AUTS2: variants seen among roughly 807,000 people sequenced by gnomAD.
AUTS2 encodes activator of transcription and developmental regulator AUTS2.
In AUTS2, 17 loss-of-function variants were observed where a neutral mutation model predicts 112.4. The observed-to-expected ratio is 0.15, with a 90% CI of 0.10 to 0.23. The LOEUF (loss-of-function observed/expected upper bound fraction) is 0.23. AUTS2 is among the 10% of genes least tolerant of loss of function. The pLI, the probability that AUTS2 is intolerant of heterozygous loss-of-function variation, is 1.00. For synonymous variants in AUTS2, 751 were observed against 702.7 expected (o/e 1.07, Z -1.09); for missense variants, 1,510 against 1,701.6 (o/e 0.89, Z 1.98).
chr7:70,675,755 A>T (rs1201880632), intron 5 of AUTS2, among the ~76,000 whole-genome samples: 2 of 152,206 alleles, frequency 1.3e-5, no homozygotes, highest in Admixed American at 6.5e-5. Context: ...TCCATGTAGC[A>T]TGGGCTTCTC....
intron 6 of AUTS2, among the ~76,000 whole-genome samples, chr7:70,725,640 G>T (rs1462814819): frequency 6.6e-6 from 1 of 152,196 alleles, no homozygotes; most frequent in Non-Finnish European, 1.5e-5. Flanking sequence ...TGCCTGCAGG[G>T]ATTGATGTAT....
chr7:69,697,389 G>C (rs756627188), intron 1 of AUTS2, among the ~76,000 whole-genome samples: 3 of 152,138 alleles, frequency 2.0e-5, no homozygotes, highest in Non-Finnish European at 4.4e-5. Context: ...AGGTGCACTG[G>C]GGATAAATAA....
At chr7:69,847,118 A>G (rs34221396) in intron 1 of AUTS2, among the ~76,000 whole-genome samples, 53,759 of 151,948 alleles carry the variant, frequency 0.35, 9,982 homozygotes, top group African/African-American at 0.46. Flanking sequence ...TACATGCATA[A>G]TTGCTTTAAA....
At chr7:70,037,078 C>G (rs1801038522) in intron 2 of AUTS2, among the ~76,000 whole-genome samples, 1 of 152,014 alleles carries the variant, frequency 6.6e-6, no homozygotes, top group Admixed American at 6.6e-5. Context: ...AGGAGGAACT[C>G]CTGCCATCTG....
chr7:70,490,569 C>T (rs956208507), intron 5 of AUTS2, among the ~76,000 whole-genome samples: 12 of 152,058 alleles, frequency 7.9e-5, no homozygotes, highest in African/African-American at 2.4e-4. Flanking sequence ...GAGTTCCCAC[C>T]GTTGAGTGGT....
chr7:70,485,051 A>G (rs1797931692), intron 5 of AUTS2, among the ~76,000 whole-genome samples: 1 of 152,238 alleles, frequency 6.6e-6, no homozygotes, highest in Non-Finnish European at 1.5e-5. Flanking sequence ...AAACTGGTAC[A>G]ACCACTATGG....
chr7:70,656,992 G>A (rs900783340), intron 5 of AUTS2, among the ~76,000 whole-genome samples: 71 of 152,186 alleles, frequency 4.7e-4, no homozygotes, highest in African/African-American at 1.7e-3. Context: ...GAGGAAGAGA[G>A]GAGACAGAAC....
At chr7:70,649,195 TTTAGATTAGAAGTTTGAGACC>T (rs1193240564) in intron 5 of AUTS2, among the ~76,000 whole-genome samples, 1 of 148,442 alleles carries the variant, frequency 6.7e-6, no homozygotes, top group African/African-American at 2.5e-5. Context: ...GTTTGAGACC[TTTAGATTAGAAGTTTGAGACC>T]TTTAGATTAG....
At chr7:69,729,211 A>G (rs1786664702) in intron 1 of AUTS2, among the ~76,000 whole-genome samples, 1 of 150,848 alleles carries the variant, frequency 6.6e-6, no homozygotes, top group Non-Finnish European at 1.5e-5. Context: ...ATACATACAT[A>G]TGTATGCTCT....
intron 10 of AUTS2, among the ~76,000 whole-genome samples, chr7:70,768,877 CTTTTT>C (rs66614263): frequency 9.2e-6 from 1 of 108,216 alleles, no homozygotes; most frequent in East Asian, 2.9e-4. Flanking sequence ...CCAGTGATTT[CTTTTT>C]TTTTTTTTTT....
At chr7:70,603,165 T>G (rs763864883) in intron 5 of AUTS2, among the ~76,000 whole-genome samples, 10 of 152,234 alleles carry the variant, frequency 6.6e-5, no homozygotes, top group Non-Finnish European at 1.0e-4. Flanking sequence ...AGACACAGAT[T>G]GAAGGTGGCA....
chr7:70,693,860 G>A (rs543083500), intron 5 of AUTS2, among the ~76,000 whole-genome samples: 284 of 152,180 alleles, frequency 1.9e-3, no homozygotes, highest in African/African-American at 6.4e-3. Flanking sequence ...CAGCCGGGGG[G>A]AGCCGAGGGC....
At chr7:69,889,847 T>A (rs1324202490) in intron 1 of AUTS2, among the ~76,000 whole-genome samples, 1 of 152,132 alleles carries the variant, frequency 6.6e-6, no homozygotes, top group Non-Finnish European at 1.5e-5. Context: ...CTGAGAATTG[T>A]GTGGTGCTAG....
intron 5 of AUTS2, among the ~76,000 whole-genome samples, chr7:70,519,767 C>T (rs1190336903): frequency 6.6e-6 from 1 of 152,162 alleles, no homozygotes. Flanking sequence ...GTTAGTGACA[C>T]TGGCAGGGTT....
At chr7:70,311,410 C>T (rs2129615401) in intron 4 of AUTS2, among the ~76,000 whole-genome samples, 1 of 152,216 alleles carries the variant, frequency 6.6e-6, no homozygotes, top group South Asian at 2.1e-4. Flanking sequence ...TTCATTATTG[C>T]CAAAAAACAT....
intron 5 of AUTS2, among the ~76,000 whole-genome samples, chr7:70,486,131 G>A (rs1479339378): frequency 6.6e-6 from 1 of 152,172 alleles, no homozygotes; most frequent in Admixed American, 6.5e-5. Context: ...GTCTGCCTCT[G>A]CCAGGTAATC....
chr7:70,171,546 G>A (rs1412715941), intron 4 of AUTS2, among the ~76,000 whole-genome samples: 1 of 152,112 alleles, frequency 6.6e-6, no homozygotes, highest in Non-Finnish European at 1.5e-5. Context: ...CATAAACTGC[G>A]AGGCAACATC....
intron 5 of AUTS2, among the ~76,000 whole-genome samples, chr7:70,452,121 T>G (rs1186941989): frequency 1.3e-5 from 2 of 152,154 alleles, no homozygotes; most frequent in African/African-American, 4.8e-5. Flanking sequence ...TTTTTTTGTT[T>G]TTGTTGTTGT....
At chr7:69,960,840 T>G (rs987641028) in intron 2 of AUTS2, among the ~76,000 whole-genome samples, 6 of 152,182 alleles carry the variant, frequency 3.9e-5, no homozygotes, top group Non-Finnish European at 7.4e-5. Flanking sequence ...CTTGTCCACT[T>G]TTAATCCCTC....
Sources: allele counts gnomAD v4.1 joint callset (sites outside exome capture counted in the v4.1 genomes callset), GRCh38; gene constraint gnomAD v4.1.1; transcripts MANE v1.5; gene names NCBI Gene and HGNC (gene_info 2026-07-23, HGNC 2026-07-21).